Variants in SULT2B1 observed in about 807,000 individuals in gnomAD.
SULT2B1 encodes the protein sulfotransferase 2B1.
A neutral mutation model predicts 33.2 loss-of-function variants in SULT2B1; 16 were observed. The ratio of observed to expected loss-of-function variants is 0.48; its 90% CI spans 0.33 to 0.73. The LOEUF (loss-of-function observed/expected upper bound fraction) is 0.73. SULT2B1 is among the 30% of genes least tolerant of loss of function. SULT2B1 has a pLI of 0.02. For missense variants in SULT2B1, 500 were observed against 506.0 expected (o/e 0.99, Z 0.11); for synonymous variants, 186 against 200.5 (o/e 0.93, Z 0.61).
intron 6 of SULT2B1, among the ~76,000 whole-genome samples, chr19:48,598,675 A>G (rs967952923): frequency 6.6e-6 from 1 of 152,130 alleles, no homozygotes; most frequent in African/African-American, 2.4e-5. Context: ...CCCTGAGCAC[A>G]GAGCCTGCAG....
At chr19:48,571,127 C>A (rs893699410) in intron 1 of SULT2B1, among the ~76,000 whole-genome samples, 1 of 152,082 alleles carries the variant, frequency 6.6e-6, no homozygotes, top group East Asian at 1.9e-4. Context: ...CTCAAGTGAT[C>A]TTCCCACCTC....
intron 2 of SULT2B1, among the ~76,000 whole-genome samples, chr19:48,586,703 C>A (rs534538039): frequency 4.6e-4 from 70 of 152,310 alleles, no homozygotes; most frequent in Non-Finnish European, 5.0e-4. Context: ...CTTGGACGAG[C>A]GACATGGTTT....
At chr19:48,588,273 G>A (rs1288816864) in intron 3 of SULT2B1, among the ~76,000 whole-genome samples, 2 of 151,280 alleles carry the variant, frequency 1.3e-5, no homozygotes, top group East Asian at 3.9e-4. Flanking sequence ...AGCACTTTGG[G>A]AAGCCAAGGT....
intron 3 of SULT2B1, among the ~76,000 whole-genome samples, chr19:48,589,828 C>T (rs1973619689): frequency 6.6e-6 from 1 of 152,198 alleles, no homozygotes; most frequent in Admixed American, 6.5e-5. Flanking sequence ...CGTGTAGTGG[C>T]ATACACCTGT....
intron 2 of SULT2B1, among the ~76,000 whole-genome samples, chr19:48,584,544 A>C (rs1449014707): frequency 6.6e-6 from 1 of 152,154 alleles, no homozygotes; most frequent in Non-Finnish European, 1.5e-5. Context: ...AAAACGGCAG[A>C]GAGGCATGAA....
At chr19:48,585,623 C>T (rs1167144113) in intron 2 of SULT2B1, among the ~76,000 whole-genome samples, 1 of 150,618 alleles carries the variant, frequency 6.6e-6, no homozygotes, top group Non-Finnish European at 1.5e-5. Context: ...GAGCCAAGAT[C>T]GCGCCATTGC....
intron 1 of SULT2B1, among the ~76,000 whole-genome samples, chr19:48,574,255 G>T (rs755708174): frequency 1.3e-5 from 2 of 152,106 alleles, no homozygotes; most frequent in Non-Finnish European, 1.5e-5. Context: ...CTTTTGTCCT[G>T]GTAAACCCCT....
intron 1 of SULT2B1, among the ~76,000 whole-genome samples, chr19:48,573,957 C>T (rs1973366714): frequency 6.6e-6 from 1 of 152,142 alleles, no homozygotes; most frequent in Non-Finnish European, 1.5e-5. Context: ...AAACTCCTGG[C>T]TCAATTGATC....
At chr19:48,572,568 G>A (rs535013066) in intron 1 of SULT2B1, among the ~76,000 whole-genome samples, 1 of 152,056 alleles carries the variant, frequency 6.6e-6, no homozygotes, top group South Asian at 2.1e-4. Context: ...GTGGAAGGAG[G>A]AGATGGGAAA....
chr19:48,567,002 T>TA (rs145209420), intron 1 of SULT2B1, among the ~76,000 whole-genome samples: 4,972 of 151,084 alleles, frequency 0.033, 260 homozygotes, highest in African/African-American at 0.11. Flanking sequence ...GACTCTGTTT[T>TA]AAAAAAAAAG....
At chr19:48,585,048 C>CAAAAA (rs57540837) in intron 2 of SULT2B1, among the ~76,000 whole-genome samples, 15 of 62,216 alleles carry the variant, frequency 2.4e-4, no homozygotes, top group African/African-American at 7.2e-4. Context: ...GACTCCTTCT[C>CAAAAA]AAAAAAAAAA....
At chr19:48,579,985 G>A (rs1973465032) in intron 2 of SULT2B1, among the ~76,000 whole-genome samples, 1 of 151,850 alleles carries the variant, frequency 6.6e-6, no homozygotes, top group African/African-American at 2.4e-5. Context: ...GTGCAGTGGT[G>A]CAGTCTCAGC....
At chr19:48,561,206 G>A (rs1973172420) in intron 1 of SULT2B1, among the ~76,000 whole-genome samples, 1 of 152,000 alleles carries the variant, frequency 6.6e-6, no homozygotes, top group East Asian at 1.9e-4. Flanking sequence ...GAGACAGGCG[G>A]ATCACCTGAG....
intron 2 of SULT2B1, among the ~76,000 whole-genome samples, chr19:48,585,551 C>T (rs906017922): frequency 4.6e-5 from 7 of 151,920 alleles, no homozygotes; most frequent in Non-Finnish European, 1.0e-4. Flanking sequence ...TGCCTGTAAC[C>T]CCAGCTACTA....
chr19:48,569,367 T>C (rs1470033086), intron 1 of SULT2B1, among the ~76,000 whole-genome samples: 4 of 12,010 alleles, frequency 3.3e-4, no homozygotes, highest in African/African-American at 1.7e-3. Flanking sequence ...AAAAAACATA[T>C]ATATATATAT....
intron 3 of SULT2B1, among the ~76,000 whole-genome samples, chr19:48,588,444 G>A (rs1317157511): frequency 1.7e-4 from 26 of 151,420 alleles, no homozygotes; most frequent in Admixed American, 3.3e-4. Context: ...CCCAGGAGGC[G>A]GAGGTTGTGG....
chr19:48,587,435 A>G lies in SULT2B1; in HGVS notation c.421A>G (p.Lys141Glu). ...CAAGGCCTTCTTCAGCTCCAAGGCC[A>G]AGGTTGGGAGGAGGGGTGTGTGTCA... ...FTKAFFSSKA[K>E]VIYMGRNPRD... The change falls in exon 3 of 7, where the codon AAG becomes GAG. Residue 141 changes from lysine (K) to glutamate (E), a missense_variant and splice_region_variant. By Grantham distance (56) the Lys-to-Glu change is moderately conservative. Transcript: ENST00000201586. 1 of 1,614,054 alleles carries G rather than the reference A, an allele frequency of 6.2e-7. No individual in the cohort carries two copies. The highest frequency in any genetic ancestry group is 8.5e-7 in the Non-Finnish European group (1 of 1,180,006).
chr19:48,552,794 T>C lies in SULT2B1; in HGVS notation c.71+471T>C, dbSNP rs1036559618. ...AGACCCCCAGAGGGAGAAGCTGTGT[T>C]CTAGGGCACTTGGGGCGGAGAGGGC... On this transcript the variant is annotated intron_variant, in intron 1 of 6. Transcript: ENST00000201586. The surrounding 1 kb of genome is among the most constrained non-coding windows in gnomAD (Gnocchi z 4.8). Among the ~76,000 whole-genome samples the C allele has an allele frequency of 1.6e-4, 25 of 151,976 alleles. No individual in the cohort carries two copies. Among genetic ancestry groups the C allele is most frequent in the African/African-American group, 5.8e-4 (24 of 41,378 alleles).
intron 2 of SULT2B1, among the ~76,000 whole-genome samples, chr19:48,584,602 TAG>T (rs1202913663): frequency 2.0e-5 from 3 of 152,148 alleles, no homozygotes; most frequent in Non-Finnish European, 4.4e-5. Context: ...AGGTGGTTGT[TAG>T]AATGAAATCC....
Sources: allele counts gnomAD v4.1 joint callset (sites outside exome capture counted in the v4.1 genomes callset), GRCh38; gene constraint gnomAD v4.1.1; non-coding constraint Gnocchi (gnomAD v3.1); transcripts MANE v1.5; gene names NCBI Gene and HGNC (gene_info 2026-07-23, HGNC 2026-07-21).